The following SLIT3 variants were observed in gnomAD, a reference collection of about 807,000 sequenced individuals.
SLIT3 encodes slit homolog 3 protein.
SLIT3 carries 68 observed loss-of-function variants against 184.0 expected under a neutral mutation model. That is an observed-to-expected ratio of 0.37 (90% CI 0.30 to 0.45). SLIT3 has a LOEUF of 0.45. SLIT3 is among the 20% of genes least tolerant of loss of function. The probability of loss-of-function intolerance (pLI) is 1.00; values close to 1 mark genes in which losing one functional copy is unlikely to be tolerated. For missense variants in SLIT3, 1,707 were observed against 2,026.0 expected (o/e 0.84, Z 3.02); for synonymous variants, 831 against 828.6 (o/e 1.00, Z -0.05).
intron 4 of SLIT3, among the ~76,000 whole-genome samples, chr5:169,023,369 T>C (rs1366408960): frequency 6.6e-6 from 1 of 152,032 alleles, no homozygotes; most frequent in Non-Finnish European, 1.5e-5. Flanking sequence ...TTTAGGACTG[T>C]ATTCAAAGAA....
In SLIT3 at chr5:168,824,439, T is replaced by C. The variant is rs540783033; in HGVS notation, c.558-1108A>G. On this transcript the variant is annotated intron_variant, in intron 6 of 35. Transcript: ENST00000519560. ...GCTGTTGAAGAATGAAGCCAGGCTA[T>C]AGGCAAGTACCCGGGCTTACCCTTC... Among the ~76,000 whole-genome samples the C allele has an allele frequency of 4.1e-4, 62 of 152,290 alleles. 1 individual carries two copies. In the South Asian group the frequency reaches 0.011, roughly 28 times the overall value.
chr5:168,936,793 A>C (rs1298978944), intron 4 of SLIT3, among the ~76,000 whole-genome samples: 1 of 152,124 alleles, frequency 6.6e-6, no homozygotes, highest in Non-Finnish European at 1.5e-5. Flanking sequence ...GGAATCATTC[A>C]GTCATTTTAT....
intron 26 of SLIT3, among the ~76,000 whole-genome samples, chr5:168,704,348 G>C (rs980587780): frequency 6.6e-6 from 1 of 152,184 alleles, no homozygotes; most frequent in African/African-American, 2.4e-5. Context: ...TGGCACTGAG[G>C]TAGGCAAAGT....
chr5:169,266,094 C>G (rs762715560), intron 1 of SLIT3, among the ~76,000 whole-genome samples: 5 of 152,228 alleles, frequency 3.3e-5, no homozygotes, highest in Non-Finnish European at 7.3e-5. Context: ...AAAGTTTCAC[C>G]TTTTATTTCC....
chr5:168,952,025 T>C lies in SLIT3; in HGVS notation c.414-68689A>G, dbSNP rs181833431. On this transcript the variant is annotated intron_variant, in intron 4 of 35. Coordinates refer to ENST00000519560, the MANE Select transcript of SLIT3 (RefSeq NM_003062.4). Reference sequence around the variant, plus strand: ...CACCTCGCCTGGCTGCTCAAGCCTGTCTTGAATCTTCTAGAGTTTCCTGGG... The same window carrying C: ...CACCTCGCCTGGCTGCTCAAGCCTGCCTTGAATCTTCTAGAGTTTCCTGGG... Among the ~76,000 whole-genome samples, 13 of 152,304 alleles carry C rather than the reference T, an allele frequency of 8.5e-5. No homozygotes were observed. The East Asian group carries it at 2.5e-3, about 29-fold the overall frequency.
rs1283712342 is a variant in SLIT3 at position 169,004,655 on chromosome 5, A to G, written c.414-121319T>C. Among the ~76,000 whole-genome samples the G allele has an allele frequency of 2.0e-5, 3 of 152,096 alleles. No individual in the cohort carries two copies. In the East Asian group the frequency reaches 5.8e-4, roughly 29 times the overall value. ...TGAACTGCATGTCTGTGTCCAACTA[A>G]AATTCATGTTTGAAAGCCTAACCAC... On this transcript the variant is annotated intron_variant, in intron 4 of 35. Transcript: ENST00000519560.
chr5:168,696,328 T>C lies in SLIT3; in HGVS notation c.3046A>G (p.Asn1016Asp). The C allele has an allele frequency of 6.2e-7, 1 of 1,614,198 alleles. No homozygotes were observed. The highest frequency in any genetic ancestry group is 1.6e-4 in the Middle Eastern group (1 of 6,062). Residue 1016 changes from asparagine (N) to aspartate (D), a missense_variant, in exon 28 of 36, where the codon AAC (asparagine) becomes GAC (aspartate). Coordinates refer to ENST00000519560, the MANE Select transcript of SLIT3 (RefSeq NM_003062.4). ...GGCGGACAGATACACACGTAGTTGT[T>C]GATCCCGTCCACGCAGGTGGCATTG... ...ENNATCVDGI[N>D]NYVCICPPNY...
At chr5:169,171,253 A>C (rs1309375008) in intron 4 of SLIT3, among the ~76,000 whole-genome samples, 1 of 152,212 alleles carries the variant, frequency 6.6e-6, no homozygotes, top group Non-Finnish European at 1.5e-5. Context: ...GGATTATTTC[A>C]CGTGATGTTT....
At chr5:168,915,438 G>T (rs968912719) in intron 4 of SLIT3, among the ~76,000 whole-genome samples, 1 of 152,054 alleles carries the variant, frequency 6.6e-6, no homozygotes, top group Non-Finnish European at 1.5e-5. Flanking sequence ...GAGGTTCCTC[G>T]TACGAATTGG....
chr5:169,112,098 C>T lies in SLIT3; in HGVS notation c.413+81381G>A, dbSNP rs116199229. 1.3e-3 allele frequency among the ~76,000 whole-genome samples: 195 copies of T among 152,326 alleles called. 1 individual carries two copies. The highest frequency in any genetic ancestry group is 4.4e-3 in the African/African-American group (181 of 41,574). The stretch of plus-strand genomic sequence containing the variant: ...TATTCTGGTGACTGCTGATGGGGAA[C>T]GAACAGTATTTTTGTGTCCATGTTT... On this transcript the variant is annotated intron_variant, in intron 4 of 35. Transcript: ENST00000519560.
At chr5:169,141,254 A>C (rs1761725815) in intron 4 of SLIT3, among the ~76,000 whole-genome samples, 1 of 152,110 alleles carries the variant, frequency 6.6e-6, no homozygotes, top group African/African-American at 2.4e-5. Flanking sequence ...CTACGACATC[A>C]CCCCACAAAT....
intron 6 of SLIT3, among the ~76,000 whole-genome samples, chr5:168,843,774 T>C (rs1758350048): frequency 6.6e-6 from 1 of 152,224 alleles, no homozygotes; most frequent in Non-Finnish European, 1.5e-5. Flanking sequence ...ATAACCAAAA[T>C]GTTTTCTTAC....
chr5:169,238,743 G>A (rs563678355), intron 3 of SLIT3, among the ~76,000 whole-genome samples: 2 of 152,046 alleles, frequency 1.3e-5, no homozygotes, highest in Admixed American at 1.3e-4. Flanking sequence ...TCTTACCAAT[G>A]TTAGACCTTT....
At chr5:169,122,473 C>A (rs1382442872) in intron 4 of SLIT3, among the ~76,000 whole-genome samples, 1 of 152,136 alleles carries the variant, frequency 6.6e-6, no homozygotes, top group Non-Finnish European at 1.5e-5. Flanking sequence ...TGACTTGAGG[C>A]AAGAACCCTG....
intron 3 of SLIT3, among the ~76,000 whole-genome samples, chr5:169,240,571 ATCATTT>A (rs1284946972): frequency 9.0e-6 from 1 of 111,146 alleles, no homozygotes; most frequent in Non-Finnish European, 1.9e-5. Flanking sequence ...TTTTCATGCT[ATCATTT>A]TCTTTTTTTT....
intron 4 of SLIT3, among the ~76,000 whole-genome samples, chr5:169,183,603 T>C (rs1763240650): frequency 6.6e-6 from 1 of 152,148 alleles, no homozygotes; most frequent in African/African-American, 2.4e-5. Context: ...GACACAAACA[T>C]CTTCAGAAAA....
At chr5:169,203,029 G>A (rs1389162450) in intron 3 of SLIT3, among the ~76,000 whole-genome samples, 2 of 152,104 alleles carry the variant, frequency 1.3e-5, no homozygotes, top group Non-Finnish European at 2.9e-5. Context: ...AGGGGGTGAG[G>A]GAGAAGATGG....
intron 4 of SLIT3, among the ~76,000 whole-genome samples, chr5:169,088,187 A>T (rs1759391370): frequency 6.6e-6 from 1 of 151,998 alleles, no homozygotes. Flanking sequence ...GGACTGAGCA[A>T]CTCTATCTCC....
chr5:168,955,131 G>A (rs992443775), intron 4 of SLIT3, among the ~76,000 whole-genome samples: 4 of 152,044 alleles, frequency 2.6e-5, no homozygotes, highest in African/African-American at 4.8e-5. Flanking sequence ...CCAGCTTACC[G>A]GGTGTTGCCT....
Sources: gnomAD v4.1 joint callset for allele counts (sites outside exome capture counted in the v4.1 genomes callset) on GRCh38, gnomAD v4.1.1 for gene constraint, MANE v1.5 for transcripts, NCBI Gene and HGNC (gene_info 2026-07-23, HGNC 2026-07-21) for gene names.